CADM2: variants seen among roughly 807,000 people sequenced by gnomAD.
CADM2 encodes the protein immunoglobulin superfamily member 4D.
Under a neutral mutation model 49.8 loss-of-function variants are expected in CADM2, and 12 were observed. The observed-to-expected ratio is 0.24, with a 90% CI of 0.15 to 0.39. CADM2 has a LOEUF of 0.39. Ranked by LOEUF, CADM2 falls within the 10% of genes least tolerant of loss-of-function variation. The probability of loss-of-function intolerance (pLI) is 1.00; values close to 1 mark genes in which losing one functional copy is unlikely to be tolerated. For missense variants in CADM2, 378 were observed against 492.3 expected, an observed-to-expected ratio of 0.77 and a Z score of 2.20; for synonymous variants, 214 against 175.4, an observed-to-expected ratio of 1.22 and a Z score of -1.74.
chr3:85,991,760 G>T (rs564300215), intron 8 of CADM2, among the ~76,000 whole-genome samples: 2 of 151,972 alleles, frequency 1.3e-5, no homozygotes, highest in Non-Finnish European at 2.9e-5. Flanking sequence ...TAAGGATATC[G>T]ATTTAGCTTA....
intron 1 of CADM2, among the ~76,000 whole-genome samples, chr3:85,083,318 T>A (rs2037243113): frequency 6.6e-6 from 1 of 152,154 alleles, no homozygotes; most frequent in South Asian, 2.1e-4. Context: ...TAACCTGCAC[T>A]TTTCTCTCTG....
At chr3:85,652,717 G>A (rs752294228) in intron 1 of CADM2, among the ~76,000 whole-genome samples, 28 of 144,722 alleles carry the variant, frequency 1.9e-4, no homozygotes, top group Non-Finnish European at 3.9e-4. Flanking sequence ...ATTTATGACA[G>A]TATTTCCCAA....
intron 1 of CADM2, among the ~76,000 whole-genome samples, chr3:85,268,465 A>G (rs2043168122): frequency 6.6e-6 from 1 of 151,406 alleles, no homozygotes; most frequent in Non-Finnish European, 1.5e-5. Flanking sequence ...AATTCCTGAC[A>G]ATCAGGAGGA....
intron 1 of CADM2, among the ~76,000 whole-genome samples, chr3:85,645,520 A>G (rs746470764): frequency 6.6e-6 from 1 of 151,954 alleles, no homozygotes; most frequent in Non-Finnish European, 1.5e-5. Flanking sequence ...TCTTATTAGT[A>G]AGGTGGTTAT....
intron 8 of CADM2, among the ~76,000 whole-genome samples, chr3:85,983,792 T>A (rs1197744487): frequency 8.0e-6 from 1 of 125,522 alleles, no homozygotes; most frequent in African/African-American, 2.8e-5. Flanking sequence ...TCTGTCTATC[T>A]ACCTATCTAT....
intron 1 of CADM2, among the ~76,000 whole-genome samples, chr3:85,161,385 G>C (rs573781088): frequency 6.6e-6 from 1 of 152,232 alleles, no homozygotes; most frequent in South Asian, 2.1e-4. Flanking sequence ...CTGTATGCCA[G>C]AGGTACGCCC....
intron 1 of CADM2, among the ~76,000 whole-genome samples, chr3:85,589,308 A>G (rs1017128521): frequency 1.3e-5 from 2 of 152,066 alleles, no homozygotes; most frequent in Non-Finnish European, 2.9e-5. Flanking sequence ...TTCTGACCCT[A>G]AAACCTCAAT....
chr3:86,044,504 C>T (rs1424723039), intron 8 of CADM2, among the ~76,000 whole-genome samples: 1 of 152,188 alleles, frequency 6.6e-6, no homozygotes, highest in Admixed American at 6.5e-5. Context: ...ATCAAAACCA[C>T]AATGAGATAC....
At chr3:85,265,348 A>G (rs1352439754) in intron 1 of CADM2, among the ~76,000 whole-genome samples, 1 of 151,902 alleles carries the variant, frequency 6.6e-6, no homozygotes, top group Non-Finnish European at 1.5e-5. Flanking sequence ...AATACCACAA[A>G]GAGTAATTTA....
chr3:85,200,381 A>G (rs1298912771), intron 1 of CADM2, among the ~76,000 whole-genome samples: 1 of 152,094 alleles, frequency 6.6e-6, no homozygotes, highest in Non-Finnish European at 1.5e-5. Context: ...TTAGATACTG[A>G]TAACTTGGTA....
chr3:85,049,376 A>G (rs2035791815), intron 1 of CADM2, among the ~76,000 whole-genome samples: 1 of 118,396 alleles, frequency 8.4e-6, no homozygotes, highest in Non-Finnish European at 1.6e-5. Context: ...TTTGAGATGG[A>G]GTCTCACACA....
At chr3:84,962,042 T>G (rs895340148) in intron 1 of CADM2, among the ~76,000 whole-genome samples, 2 of 151,948 alleles carry the variant, frequency 1.3e-5, no homozygotes, top group African/African-American at 4.8e-5. Flanking sequence ...CAGTGCTGCT[T>G]TTCACAGCAG....
intron 1 of CADM2, among the ~76,000 whole-genome samples, chr3:85,376,979 A>G (rs1397961068): frequency 1.3e-5 from 2 of 152,090 alleles, no homozygotes; most frequent in African/African-American, 4.8e-5. Context: ...ACATTAAAAC[A>G]TTTATTAAAT....
chr3:85,001,881 A>C (rs191822855), intron 1 of CADM2, among the ~76,000 whole-genome samples: 55 of 152,224 alleles, frequency 3.6e-4, no homozygotes, highest in Middle Eastern at 3.4e-3. Context: ...AGACACTCAG[A>C]TTTCGAATAA....
intron 1 of CADM2, among the ~76,000 whole-genome samples, chr3:85,622,920 G>A (rs553318864): frequency 1.3e-5 from 2 of 152,218 alleles, no homozygotes; most frequent in Admixed American, 6.6e-5. Context: ...TTAGGCTATG[G>A]TTTGGGATCA....
rs536737539 is a variant in CADM2, at chr3:85,342,199, A to G, written c.61+382531A>G. Among the ~76,000 whole-genome samples, 82 of 152,188 alleles carry G rather than the reference A, an allele frequency of 5.4e-4. 1 individual carries two copies. The Middle Eastern group carries it at 0.024, about 44-fold the overall frequency. On this transcript the variant is annotated intron_variant, in intron 1 of 9. Coordinates refer to ENST00000383699, the MANE Select transcript of CADM2 (RefSeq NM_001167675.2). Reference sequence around the variant, plus strand: ...CAAACAACCCCATCAAAAAATGGGCAAAGGATATGAACAGACACTTCTCAA... The same window carrying G: ...CAAACAACCCCATCAAAAAATGGGCGAAGGATATGAACAGACACTTCTCAA...
intron 1 of CADM2, among the ~76,000 whole-genome samples, chr3:85,685,602 A>AT (rs761370355): frequency 4.8e-5 from 7 of 145,992 alleles, no homozygotes; most frequent in African/African-American, 7.6e-5. Flanking sequence ...CAATTGAAAC[A>AT]TTTTCTTTCT....
intron 8 of CADM2, among the ~76,000 whole-genome samples, chr3:86,044,790 CAA>C (rs1736437387): frequency 6.6e-6 from 1 of 152,096 alleles, no homozygotes; most frequent in Non-Finnish European, 1.5e-5. Flanking sequence ...TTCACAATAG[CAA>C]AGACTTGGAA....
intron 1 of CADM2, among the ~76,000 whole-genome samples, chr3:85,441,922 T>C (rs2037219539): frequency 1.3e-5 from 2 of 152,028 alleles, no homozygotes; most frequent in African/African-American, 4.8e-5. Context: ...GAGGTGGAAC[T>C]ATAAGCAGAA....
Sources: allele counts gnomAD v4.1 joint callset (sites outside exome capture counted in the v4.1 genomes callset), GRCh38; gene constraint gnomAD v4.1.1; transcripts MANE v1.5; gene names NCBI Gene and HGNC (gene_info 2026-07-23, HGNC 2026-07-21).